Variants in NAA11 observed in about 807,000 individuals in gnomAD.
NAA11 encodes the protein N-alpha-acetyltransferase 11.
Under a neutral mutation model 16.1 loss-of-function variants are expected in NAA11, and 15 were observed. That is an observed-to-expected ratio of 0.93 (90% CI 0.62 to 1.44). The LOEUF (loss-of-function observed/expected upper bound fraction) is 1.44. Among genes scored for constraint, NAA11 ranks in the 40% most tolerant of loss-of-function variants. The pLI is 0.00. For missense variants in NAA11, 298 were observed against 291.3 expected (o/e 1.02, Z -0.17); for synonymous variants, 122 against 112.4 (o/e 1.09, Z -0.54).
At chr4:79,315,861 T>C (rs556737031), downstream of NAA11, among the ~76,000 whole-genome samples, 23 of 152,336 alleles carry the variant, frequency 1.5e-4, no homozygotes, top group South Asian at 4.8e-3. Flanking sequence ...AGTATTATTG[T>C]TTATTTTATT....
At chr4:79,208,842 A>G in the NAA11 span, among the ~76,000 whole-genome samples, 1 of 150,542 alleles carries the variant, frequency 6.6e-6, no homozygotes, top group Non-Finnish European at 1.5e-5. Flanking sequence ...GTTCAAGAAA[A>G]TAAAAATAAA....
chr4:79,174,391 TG>T, the NAA11 span, among the ~76,000 whole-genome samples: 1 of 152,110 alleles, frequency 6.6e-6, no homozygotes, highest in South Asian at 2.1e-4. Flanking sequence ...CTTAGTCATA[TG>T]TTCTCTGGGT....
the NAA11 span, among the ~76,000 whole-genome samples, chr4:79,163,533 T>C: frequency 1.2e-4 from 19 of 152,216 alleles, no homozygotes; most frequent in Non-Finnish European, 2.8e-4. Context: ...ATTAGCATTA[T>C]ACTAGAGGTG....
At chr4:79,234,312 A>G (rs555631072) in intron 2 of NAA11, among the ~76,000 whole-genome samples, 5 of 152,256 alleles carry the variant, frequency 3.3e-5, no homozygotes, top group African/African-American at 1.2e-4. Context: ...AGCAGCCATC[A>G]ATTTGCCCCT....
intron 1 of NAA11, among the ~76,000 whole-genome samples, chr4:79,309,864 C>T (rs891825116): frequency 1.3e-5 from 2 of 151,634 alleles, no homozygotes; most frequent in Admixed American, 6.6e-5. Flanking sequence ...TACAGGCGCC[C>T]GCCACCACGC....
the NAA11 span, among the ~76,000 whole-genome samples, chr4:79,195,314 G>A: frequency 6.6e-6 from 1 of 152,070 alleles, no homozygotes; most frequent in South Asian, 2.1e-4. Flanking sequence ...TTTTGGGTTG[G>A]AAGTGTATTT....
intron 2 of NAA11, among the ~76,000 whole-genome samples, chr4:79,275,518 A>G (rs184680191): frequency 6.0e-4 from 92 of 152,262 alleles, no homozygotes; most frequent in African/African-American, 2.2e-3. Context: ...TCACTCACTC[A>G]TTCAAAAAAT....
the NAA11 span, among the ~76,000 whole-genome samples, chr4:79,180,373 A>T: frequency 6.6e-6 from 1 of 152,216 alleles, no homozygotes; most frequent in Non-Finnish European, 1.5e-5. Context: ...TATAGTTTAT[A>T]TAACCAGAGT....
At chr4:79,188,345 G>C in the NAA11 span, among the ~76,000 whole-genome samples, 1 of 152,170 alleles carries the variant, frequency 6.6e-6, no homozygotes, top group Non-Finnish European at 1.5e-5. Context: ...CAGCACTTTG[G>C]GAGGCCGAGG....
chr4:79,233,025 A>G lies in NAA11; in HGVS notation c.*123-6755T>C, dbSNP rs1162043777. 3.9e-5 allele frequency among the ~76,000 whole-genome samples: 6 copies of G among 152,024 alleles called. No individual in the cohort carries two copies. The East Asian group carries it at 1.2e-3, about 29-fold the overall frequency. ...AGTTGATGGTGGGGATTAGATGAGA[A>G]AATATATAATAAGTACCTAGTACAA... On this transcript the variant is annotated intron_variant and NMD_transcript_variant, in intron 2 of 2. Transcript: ENST00000511542.
intron 2 of NAA11, among the ~76,000 whole-genome samples, chr4:79,234,606 A>G (rs1158736403): frequency 1.3e-5 from 2 of 152,116 alleles, no homozygotes; most frequent in African/African-American, 4.8e-5. Flanking sequence ...AAGCATTGCT[A>G]TTAGTTTACT....
At chr4:79,221,615 T>C (rs1226589172), downstream of NAA11, among the ~76,000 whole-genome samples, 1 of 112,062 alleles carries the variant, frequency 8.9e-6, no homozygotes, top group African/African-American at 2.8e-5. Context: ...AGGCTTTTTC[T>C]GCATCTATTG....
At chr4:79,220,529 A>G in the NAA11 span, among the ~76,000 whole-genome samples, 2 of 152,020 alleles carry the variant, frequency 1.3e-5, no homozygotes, top group African/African-American at 4.8e-5. Flanking sequence ...AACTTTTAAG[A>G]TATATATAAA....
intron 2 of NAA11, among the ~76,000 whole-genome samples, chr4:79,280,530 GTTTGT>G (rs1722762626): frequency 1.3e-5 from 2 of 151,876 alleles, no homozygotes. Context: ...GTGGTTTTTT[GTTTGT>G]TTTGTTTTGT....
the NAA11 span, among the ~76,000 whole-genome samples, chr4:79,213,871 G>A: frequency 6.6e-6 from 1 of 152,274 alleles, no homozygotes. Context: ...AGAAACACAA[G>A]TCATTGATGT....
chr4:79,247,543 C>T (rs988542056), intron 2 of NAA11, among the ~76,000 whole-genome samples: 1 of 152,112 alleles, frequency 6.6e-6, no homozygotes, highest in Admixed American at 6.5e-5. Flanking sequence ...AGACCTTAGG[C>T]TTGGAGGCAA....
intron 1 of NAA11, chr4:79,306,644 C>T (rs1412238608): frequency 6.6e-6 from 1 of 152,142 alleles, no homozygotes; most frequent in Non-Finnish European, 1.5e-5. Flanking sequence ...TTTTCAATAA[C>T]AGTACTTTGA....
At chr4:79,279,185 GCTGA>G (rs1560444517) in intron 2 of NAA11, among the ~76,000 whole-genome samples, 1 of 152,126 alleles carries the variant, frequency 6.6e-6, no homozygotes, top group Non-Finnish European at 1.5e-5. Context: ...AGATACAAAT[GCTGA>G]CTATTATAGT....
At chr4:79,283,223 C>T (rs1722835078) in intron 2 of NAA11, among the ~76,000 whole-genome samples, 1 of 150,440 alleles carries the variant, frequency 6.6e-6, no homozygotes, top group African/African-American at 2.4e-5. Flanking sequence ...AGAATGTTCA[C>T]TGTGAAGGGT....
Sources: gnomAD v4.1 joint callset for allele counts (sites outside exome capture counted in the v4.1 genomes callset) on GRCh38, gnomAD v4.1.1 for gene constraint, MANE v1.5 for transcripts, NCBI Gene and HGNC (gene_info 2026-07-23, HGNC 2026-07-21) for gene names.